CADPS: variants seen among roughly 807,000 people sequenced by gnomAD.
The protein encoded by CADPS is calcium dependent secretion activator, also known as calcium-dependent secretion activator 1.
In CADPS, 57 loss-of-function variants were observed where a neutral mutation model predicts 167.3. The ratio of observed to expected loss-of-function variants is 0.34; its 90% CI spans 0.28 to 0.42. CADPS has a LOEUF of 0.42. CADPS is among the 20% of genes least tolerant of loss of function. The pLI is 1.00. For missense variants in CADPS, 1,414 were observed against 1,738.1 expected (o/e 0.81, Z 3.32); for synonymous variants, 676 against 635.3 (o/e 1.06, Z -0.96).
At chr3:62,810,517 ATTTC>A (rs1186105456) in intron 1 of CADPS, among the ~76,000 whole-genome samples, 1 of 152,166 alleles carries the variant, frequency 6.6e-6, no homozygotes, top group Non-Finnish European at 1.5e-5. Context: ...TATCTGATTA[ATTTC>A]TTTATTACTC....
intron 3 of CADPS, among the ~76,000 whole-genome samples, chr3:62,723,862 G>T (rs948164885): frequency 6.6e-6 from 1 of 152,178 alleles, no homozygotes; most frequent in Admixed American, 6.5e-5. Context: ...AGGTAGCCAC[G>T]TTCTCAGAGA....
chr3:62,500,818 G>A lies in CADPS; in HGVS notation c.2600-1550C>T, dbSNP rs531389882. On this transcript the variant is annotated intron_variant, in intron 17 of 29. Coordinates refer to ENST00000383710, the MANE Select transcript of CADPS (RefSeq NM_003716.4). ...GAGATTGCTAATTTACAAAAAAAAA[G>A]GTTCTTAATATTCTTTTATGCATTT... Among the ~76,000 whole-genome samples, 5 of 152,198 alleles carry A rather than the reference G, an allele frequency of 3.3e-5. No homozygotes were observed. The South Asian group carries it at 1.0e-3, about 32-fold the overall frequency.
In CADPS at chr3:62,875,234, G is replaced by T. The variant is rs778994005; in HGVS notation, c.-205C>A. ...CTGGGCTCAGACCCAGAAGCGCGAA[G>T]GGAGGAGGGGAAGGGAGAGGTGCGT... is the stretch of plus-strand genomic sequence containing the variant. On this transcript the variant is annotated 5_prime_UTR_variant, in exon 1 of 30. Coordinates refer to ENST00000383710, the MANE Select transcript of CADPS (RefSeq NM_003716.4). 8.1e-5 allele frequency: 40 copies of T among 494,994 alleles called. No homozygotes were observed. Among genetic ancestry groups the T allele is most frequent in the Non-Finnish European group, 1.2e-4 (38 of 324,382 alleles). 30.7% of individuals were successfully genotyped at this position (494,994 alleles called of 1,614,324 possible).
intron 1 of CADPS, among the ~76,000 whole-genome samples, chr3:62,855,975 A>T (rs1278054398): frequency 1.3e-5 from 2 of 152,230 alleles, no homozygotes; most frequent in African/African-American, 4.8e-5. Context: ...TAATCAACTT[A>T]TTTAATATAA....
At chr3:62,540,076 T>TA (rs1386231344) in intron 11 of CADPS, among the ~76,000 whole-genome samples, 1 of 152,098 alleles carries the variant, frequency 6.6e-6, no homozygotes, top group African/African-American at 2.4e-5. Context: ...TAGCTAGGAG[T>TA]AAACAAACAG....
In CADPS at chr3:62,521,171, C is replaced by T. The variant is rs534417357; in HGVS notation, c.2292-2921G>A. Reference sequence around the variant, plus strand: ...TGCATTTCTAACAAGTTTACTGGTGCTGCTAGTGCTGCTGGTTCGAGGACC... The same window carrying T: ...TGCATTTCTAACAAGTTTACTGGTGTTGCTAGTGCTGCTGGTTCGAGGACC... On this transcript the variant is annotated intron_variant, in intron 13 of 29. Transcript: ENST00000383710. 4.3e-4 allele frequency among the ~76,000 whole-genome samples: 65 copies of T among 152,212 alleles called. 1 individual carries two copies. Among genetic ancestry groups the T allele is most frequent in the Admixed American group, 1.5e-3 (23 of 15,272 alleles).
At chr3:62,550,179 C>A in intron 10 of CADPS, 64 bp from the exon 11 acceptor site, 1 of 1,378,614 alleles carries the variant, frequency 7.3e-7, no homozygotes, top group Non-Finnish European at 1.0e-6. Flanking sequence ...CTGGACTCAG[C>A]CTTTGAAAAA....
intron 3 of CADPS, among the ~76,000 whole-genome samples, chr3:62,679,746 G>A (rs1034489425): frequency 6.6e-6 from 1 of 152,036 alleles, no homozygotes; most frequent in African/African-American, 2.4e-5. Context: ...GAGGCAGGGA[G>A]GTTATGAGCT....
At chr3:62,486,279 A>T (rs1003220272) in intron 21 of CADPS, among the ~76,000 whole-genome samples, 2 of 151,934 alleles carry the variant, frequency 1.3e-5, no homozygotes, top group Admixed American at 1.3e-4. Flanking sequence ...ACCCTGCCCC[A>T]CTAAAAACAC....
At chr3:62,807,985 T>C (rs1012978298) in intron 1 of CADPS, among the ~76,000 whole-genome samples, 1 of 152,110 alleles carries the variant, frequency 6.6e-6, no homozygotes, top group African/African-American at 2.4e-5. Context: ...GCGATTCTCC[T>C]GCCTCAGCCT....
chr3:62,727,611 G>A (rs1017601168), intron 3 of CADPS, among the ~76,000 whole-genome samples: 2 of 151,878 alleles, frequency 1.3e-5, no homozygotes, highest in Admixed American at 6.6e-5. Flanking sequence ...CTGCGGAGAT[G>A]TAGGGCTTTT....
chr3:62,749,995 G>A (rs2082338853), intron 3 of CADPS, among the ~76,000 whole-genome samples: 1 of 152,026 alleles, frequency 6.6e-6, no homozygotes, highest in South Asian at 2.1e-4. Context: ...TTATTTTTTT[G>A]TAAAAAGAAT....
At chr3:62,815,304 A>C (rs867543378) in intron 1 of CADPS, among the ~76,000 whole-genome samples, 62 of 146,088 alleles carry the variant, frequency 4.2e-4, no homozygotes, top group Middle Eastern at 3.7e-3. Flanking sequence ...AAAAAAAAAA[A>C]CTCACAAATT....
At chr3:62,527,396 C>T (rs183386340) in intron 13 of CADPS, among the ~76,000 whole-genome samples, 1 of 152,160 alleles carries the variant, frequency 6.6e-6, no homozygotes, top group African/African-American at 2.4e-5. Context: ...CACTCCACCC[C>T]AGCTGTGGCA....
intron 6 of CADPS, among the ~76,000 whole-genome samples, chr3:62,611,083 C>T (rs969058895): frequency 1.3e-5 from 2 of 152,094 alleles, no homozygotes; most frequent in African/African-American, 4.8e-5. Flanking sequence ...GTCAGTAGCA[C>T]TGAAGCTGAG....
At chr3:62,858,419 T>C (rs1662710769) in intron 1 of CADPS, among the ~76,000 whole-genome samples, 2 of 152,142 alleles carry the variant, frequency 1.3e-5, no homozygotes, top group African/African-American at 4.8e-5. Flanking sequence ...TTTGGTCTGA[T>C]TGGATCAACT....
intron 8 of CADPS, among the ~76,000 whole-genome samples, chr3:62,580,879 T>C (rs1406859725): frequency 3.3e-5 from 5 of 152,226 alleles, no homozygotes; most frequent in African/African-American, 1.2e-4. Flanking sequence ...AAAATTTCCC[T>C]GATGTTCTTA....
At chr3:62,435,667 A>T (rs9877482) in intron 28 of CADPS, among the ~76,000 whole-genome samples, 46,179 of 150,452 alleles carry the variant, frequency 0.31, 7,406 homozygotes, top group Middle Eastern at 0.41. Context: ...CTCCTGAAAA[A>T]TTTTTTTTTT....
chr3:62,850,061 G>A (rs987090271), intron 1 of CADPS, among the ~76,000 whole-genome samples: 3 of 110,648 alleles, frequency 2.7e-5, no homozygotes, highest in Non-Finnish European at 5.9e-5. Flanking sequence ...TAGTTTATTT[G>A]TGTAGAGGTG....
Sources: gnomAD v4.1 joint callset for allele counts (sites outside exome capture counted in the v4.1 genomes callset) on GRCh38, gnomAD v4.1.1 for gene constraint, MANE v1.5 for transcripts, NCBI Gene and HGNC (gene_info 2026-07-23, HGNC 2026-07-21) for gene names.